The following MS4A13 variants were observed in gnomAD, a reference collection of about 807,000 sequenced individuals.
MS4A13 encodes membrane-spanning 4-domains subfamily A member 13.
In MS4A13, 21 loss-of-function variants were observed where a neutral mutation model predicts 18.4. That is an observed-to-expected ratio of 1.14 (90% CI 0.81 to 1.64). The LOEUF is 1.64. Ranked by LOEUF, MS4A13 falls within the 40% of genes most tolerant of loss-of-function variation. The probability of loss-of-function intolerance (pLI) is 0.00; values close to 1 mark genes in which losing one functional copy is unlikely to be tolerated. For synonymous variants in MS4A13, 62 were observed against 57.2 expected, an observed-to-expected ratio of 1.08 and a Z score of -0.38; for missense variants, 173 against 176.8, an observed-to-expected ratio of 0.98 and a Z score of 0.12.
intron 3 of MS4A13, among the ~76,000 whole-genome samples, chr11:60,523,027 G>C (rs1039635920): frequency 2.0e-5 from 3 of 152,164 alleles, no homozygotes; most frequent in Non-Finnish European, 2.9e-5. Context: ...TCATTAGAGA[G>C]CACTCTAATT....
At chr11:60,538,908 G>C (rs1029943466) in intron 6 of MS4A13, among the ~76,000 whole-genome samples, 6 of 130,170 alleles carry the variant, frequency 4.6e-5, no homozygotes, top group Admixed American at 1.7e-4. Context: ...GGTGGAGGGG[G>C]CCACATGCAA....
At chr11:60,531,276 T>C (rs1318283835) in intron 6 of MS4A13, among the ~76,000 whole-genome samples, 1 of 152,128 alleles carries the variant, frequency 6.6e-6, no homozygotes, top group Non-Finnish European at 1.5e-5. Context: ...AAGATCACAA[T>C]ACTTGTTGGG....
chr11:60,518,247 CAATA>C, intron 3 of MS4A13, 35 bp downstream of exon 3: 1 of 1,522,750 alleles, frequency 6.6e-7, no homozygotes, highest in Non-Finnish European at 8.9e-7. Context: ...TTTAATCATA[CAATA>C]AATAATATTC....
At chr11:60,533,229 A>C in intron 6 of MS4A13, among the ~76,000 whole-genome samples, 1 of 61,714 alleles carries the variant, frequency 1.6e-5, no homozygotes, top group Non-Finnish European at 3.2e-5. Context: ...ACTCTGAGCT[A>C]CGGGAGGACA....
chr11:60,527,394 C>CTGTG (rs2086723640), intron 5 of MS4A13, among the ~76,000 whole-genome samples: 107 of 115,120 alleles, frequency 9.3e-4, no homozygotes, highest in African/African-American at 4.0e-3. Context: ...CTCTCTCTCT[C>CTGTG]TCTCTCTCTC....
intron 6 of MS4A13, 59 bp downstream of exon 6, chr11:60,529,519 C>G: frequency 1.1e-6 from 1 of 928,222 alleles, no homozygotes; most frequent in Admixed American, 2.4e-5. Flanking sequence ...TAACTACACT[C>G]TATGAGAAGA....
intron 5 of MS4A13, among the ~76,000 whole-genome samples, chr11:60,527,917 C>A (rs894656871): frequency 2.6e-5 from 4 of 151,816 alleles, no homozygotes; most frequent in African/African-American, 9.7e-5. Context: ...CTAAGAGGTC[C>A]CAAGTACTTT....
chr11:60,520,840 G>A (rs985898396), intron 3 of MS4A13, among the ~76,000 whole-genome samples: 17 of 152,166 alleles, frequency 1.1e-4, no homozygotes, highest in East Asian at 1.9e-4. Flanking sequence ...TGGCAGCTCC[G>A]ACCCCACATT....
At chr11:60,532,238 T>G (rs1013556229) in intron 6 of MS4A13, among the ~76,000 whole-genome samples, 3 of 152,180 alleles carry the variant, frequency 2.0e-5, no homozygotes, top group Admixed American at 1.3e-4. Context: ...GACGGGTGAT[T>G]TCTGCATTTC....
intron 5 of MS4A13, among the ~76,000 whole-genome samples, 180 bp downstream of exon 5, chr11:60,525,506 TATTAAGAGA>T (rs1474896475): frequency 6.6e-6 from 1 of 152,226 alleles, no homozygotes; most frequent in Non-Finnish European, 1.5e-5. Context: ...TTTTAGTAAA[TATTAAGAGA>T]ATGTTTGAAT....
At chr11:60,517,447 A>T (rs540717883) in intron 2 of MS4A13, among the ~76,000 whole-genome samples, 39 of 152,304 alleles carry the variant, frequency 2.6e-4, no homozygotes, top group Admixed American at 2.0e-4. Flanking sequence ...CTTCTTACAA[A>T]TTAGAGTTGA....
At chr11:60,538,196 A>AAAAC (rs2135270974) in intron 6 of MS4A13, among the ~76,000 whole-genome samples, 1 of 151,534 alleles carries the variant, frequency 6.6e-6, no homozygotes, top group East Asian at 1.9e-4. Context: ...AAAAAACGAA[A>AAAAC]AAAAAAAACA....
intron 5 of MS4A13, among the ~76,000 whole-genome samples, chr11:60,527,453 T>C (rs2086727244): frequency 6.6e-6 from 1 of 150,576 alleles, no homozygotes; most frequent in South Asian, 2.1e-4. Context: ...TGTTTCCGTT[T>C]CCTCAGTTTT....
At chr11:60,516,696 G>A (rs2086639885) in intron 2 of MS4A13, among the ~76,000 whole-genome samples, 2 of 151,994 alleles carry the variant, frequency 1.3e-5, no homozygotes, top group African/African-American at 4.8e-5. Flanking sequence ...GGGGGTAGGC[G>A]GGTCTGACCT....
intron 3 of MS4A13, among the ~76,000 whole-genome samples, chr11:60,521,613 C>A (rs1006935516): frequency 6.6e-6 from 1 of 152,174 alleles, no homozygotes; most frequent in Non-Finnish European, 1.5e-5. Flanking sequence ...ACCACCTCAG[C>A]CTTGATTTCA....
At chr11:60,538,835 A>C (rs1272158422) in intron 6 of MS4A13, among the ~76,000 whole-genome samples, 1 of 134,066 alleles carries the variant, frequency 7.5e-6, no homozygotes, top group Non-Finnish European at 1.6e-5. Flanking sequence ...GATGGCAGAA[A>C]GGGAAGTCAG....
Position 60,532,101 on chromosome 11 carries a change from C to T in MS4A13, c.402+2641C>T, listed in dbSNP as rs2086772197. Among the ~76,000 whole-genome samples the T allele has an allele frequency of 2.0e-5, 3 of 152,126 alleles. No individual in the cohort carries two copies. In the South Asian group the frequency reaches 6.2e-4, roughly 31 times the overall value. ...ACTTAATAGACATAGCGTCTTTGAG[C>T]AAGGGAAGAATAAATGTTGGACTTA... On this transcript the variant is annotated intron_variant, in intron 6 of 6. Coordinates refer to ENST00000378186, the MANE Select transcript of MS4A13 (RefSeq NM_001012417.3).
chr11:60,523,798 C>T lies in MS4A13; in HGVS notation c.130-99C>T, dbSNP rs1173761783. On this transcript the variant is annotated intron_variant, in intron 3 of 6. Coordinates refer to ENST00000378186, the MANE Select transcript of MS4A13 (RefSeq NM_001012417.3). ...CTTCTGTATATTTTGTTACTATTAG[C>T]ATTCTTAAAATAATTGACTTACAAG... 9 of 722,270 alleles carry T rather than the reference C, an allele frequency of 1.2e-5. No individual in the cohort carries two copies. In the Admixed American group the frequency reaches 2.3e-4, roughly 18 times the overall value. 44.7% of individuals were successfully genotyped at this position (722,270 alleles called of 1,614,324 possible). A position where few individuals can be genotyped will look rare whatever the true frequency, so the allele number is the denominator to read the frequency against.
chr11:60,519,352 GA>G (rs1036787283), intron 3 of MS4A13, among the ~76,000 whole-genome samples: 2 of 151,272 alleles, frequency 1.3e-5, no homozygotes, highest in African/African-American at 4.8e-5. Context: ...AAACAGAAGG[GA>G]AAGGCAGAGA....
Sources: gnomAD v4.1 joint callset for allele counts (sites outside exome capture counted in the v4.1 genomes callset) on GRCh38, gnomAD v4.1.1 for gene constraint, MANE v1.5 for transcripts, NCBI Gene and HGNC (gene_info 2026-07-23, HGNC 2026-07-21) for gene names.